Variants in FRRS1L observed in about 807,000 individuals in gnomAD.
FRRS1L encodes the protein DOMON domain-containing protein FRRS1L.
FRRS1L carries 22 observed loss-of-function variants against 28.6 expected under a neutral mutation model. The observed-to-expected ratio is 0.77, with a 90% CI of 0.55 to 1.10. The LOEUF is 1.10. Ranked by LOEUF, FRRS1L falls within the 50% of genes least tolerant of loss-of-function variation. The pLI is 0.00. For synonymous variants in FRRS1L, 158 were observed against 151.4 expected, an observed-to-expected ratio of 1.04 and a Z score of -0.32; for missense variants, 380 against 386.9, an observed-to-expected ratio of 0.98 and a Z score of 0.15.
rs188951244 is a variant in FRRS1L, at chr9:109,156,318, T to C, written c.239-6598A>G. ...TCATCACTCATTTTCACATGTGTTTTCCATTTCATTTATTTCCACCCAGAT... is the reference window on the plus strand; with the variant it reads ...TCATCACTCATTTTCACATGTGTTTCCCATTTCATTTATTTCCACCCAGAT... On this transcript the variant is annotated intron_variant, in intron 1 of 4. Transcript: ENST00000561981. Among the ~76,000 whole-genome samples the C allele has an allele frequency of 1.3e-3, 191 of 152,348 alleles. 2 individuals are homozygous for C. The highest frequency in any genetic ancestry group is 1.1e-3 in the Non-Finnish European group (78 of 68,034).
intron 2 of FRRS1L, among the ~76,000 whole-genome samples, chr9:109,148,852 C>T (rs186434343): frequency 8.6e-5 from 13 of 152,046 alleles, no homozygotes; most frequent in Admixed American, 7.9e-4. Context: ...TCAATAAGAA[C>T]ATTTTTGGCT....
Position 109,149,732 on chromosome 9 carries a change from G to A in FRRS1L, c.239-12C>T. On this transcript the variant is annotated splice_polypyrimidine_tract_variant and intron_variant, in intron 1 of 4. Transcript: ENST00000561981. Reference sequence around the variant, plus strand: ...AGGGAAGGGGTAACCTGGGCAGTGAGAATAAAGAAGGGTTAGAAAATCCAG... The same window carrying A: ...AGGGAAGGGGTAACCTGGGCAGTGAAAATAAAGAAGGGTTAGAAAATCCAG... The A allele has an allele frequency of 6.3e-7, 1 of 1,577,632 alleles. No homozygotes were observed. The highest frequency in any genetic ancestry group is 8.7e-7 in the Non-Finnish European group (1 of 1,148,576).
chr9:109,141,818 T>C (rs1233863417), intron 3 of FRRS1L, among the ~76,000 whole-genome samples: 1 of 151,898 alleles, frequency 6.6e-6, no homozygotes, highest in Non-Finnish European at 1.5e-5. Context: ...TATGTGGTAA[T>C]CCTGCCCAAA....
intron 1 of FRRS1L, chr9:109,151,720 C>A (rs769974802): frequency 4.4e-5 from 7 of 159,692 alleles, no homozygotes; most frequent in Non-Finnish European, 8.2e-5. Flanking sequence ...CCCCTTGACC[C>A]AGTCCATGGA....
At chr9:109,155,926 G>C (rs1051042592) in intron 1 of FRRS1L, among the ~76,000 whole-genome samples, 4 of 151,978 alleles carry the variant, frequency 2.6e-5, no homozygotes, top group African/African-American at 9.7e-5. Flanking sequence ...ATTTTAATTG[G>C]GTGAATTGCA....
intron 1 of FRRS1L, among the ~76,000 whole-genome samples, chr9:109,152,352 G>A (rs1398224129): frequency 6.6e-6 from 1 of 151,880 alleles, no homozygotes; most frequent in Non-Finnish European, 1.5e-5. Context: ...GTTTCACCAT[G>A]TTGGTCAGGC....
chr9:109,158,199 T>C (rs1588103400), intron 1 of FRRS1L, among the ~76,000 whole-genome samples: 2 of 152,356 alleles, frequency 1.3e-5, no homozygotes, highest in South Asian at 4.1e-4. Flanking sequence ...TTTTTCAGTT[T>C]TTCTAATTTT....
At chr9:109,160,137 T>G (rs1368609170) in intron 1 of FRRS1L, among the ~76,000 whole-genome samples, 5 of 152,218 alleles carry the variant, frequency 3.3e-5, no homozygotes, top group Admixed American at 6.5e-5. Context: ...TATTCCCTTC[T>G]TTCTGTCACT....
At chr9:109,156,601 G>C (rs1004727714) in intron 1 of FRRS1L, among the ~76,000 whole-genome samples, 8 of 151,682 alleles carry the variant, frequency 5.3e-5, no homozygotes, top group South Asian at 2.1e-4. Context: ...ATGTTAGCCA[G>C]GATGGTCTCA....
At chr9:109,144,086 T>C (rs1012369183) in intron 3 of FRRS1L, among the ~76,000 whole-genome samples, 2 of 152,056 alleles carry the variant, frequency 1.3e-5, no homozygotes, top group Non-Finnish European at 2.9e-5. Context: ...GGACAGGAAG[T>C]GGTCACTTTC....
At chr9:109,156,678 T>C (rs1369200666) in intron 1 of FRRS1L, among the ~76,000 whole-genome samples, 3 of 149,340 alleles carry the variant, frequency 2.0e-5, no homozygotes, top group African/African-American at 7.4e-5. Context: ...CATGAGCCAC[T>C]GCACCTGGAT....
At chr9:109,146,959 T>C (rs754336181) in intron 3 of FRRS1L, 92 bp downstream of exon 3, 75 of 1,181,022 alleles carry the variant, frequency 6.4e-5, no homozygotes, top group Admixed American at 1.7e-4. Flanking sequence ...TTGATCATTA[T>C]ACTGCTTTGA....
At chr9:109,147,290 A>C (rs1831275947) in intron 2 of FRRS1L, 101 bp from the exon 3 acceptor site, 1 of 1,001,792 alleles carries the variant, frequency 1.0e-6, no homozygotes, top group Admixed American at 2.1e-5. Context: ...CAATATTATT[A>C]AACACATTGG....
At chr9:109,146,669 G>A (rs1156321461) in intron 3 of FRRS1L, among the ~76,000 whole-genome samples, 1 of 152,138 alleles carries the variant, frequency 6.6e-6, no homozygotes, top group Non-Finnish European at 1.5e-5. Context: ...AAAACACAGA[G>A]AAAACCTGAA....
chr9:109,152,111 C>A (rs1269821203), intron 1 of FRRS1L: 2 of 152,116 alleles, frequency 1.3e-5, no homozygotes, highest in African/African-American at 4.8e-5. Context: ...AGCAGATTTC[C>A]AGCTCAATAA....
rs1350191431 is a variant in FRRS1L at position 109,134,098 on chromosome 9, G to A, written c.*3357C>T. On this transcript the variant is annotated 3_prime_UTR_variant, in exon 5 of 5. Transcript: ENST00000561981. ...GCTAACATAATTATTTATGGTTTGA[G>A]CATAGGAGGAAGAATATAAAAATGT... The A allele has an allele frequency of 1.3e-5, 2 of 152,162 alleles. No homozygotes were observed. Among genetic ancestry groups the A allele is most frequent in the East Asian group, 3.8e-4 (2 of 5,196 alleles). The allele number at this position is 152,162 out of a possible 1,614,324, so 9.4% of individuals were successfully genotyped here.
chr9:109,143,151 C>T (rs1026545415), intron 3 of FRRS1L, among the ~76,000 whole-genome samples: 16 of 151,842 alleles, frequency 1.1e-4, no homozygotes, highest in Non-Finnish European at 1.6e-4. Context: ...CTCGTCTCTA[C>T]TTAAAATACA....
intron 4 of FRRS1L, chr9:109,139,388 T>C (rs1564228429): frequency 6.6e-6 from 1 of 152,178 alleles, no homozygotes; most frequent in Admixed American, 6.5e-5. Flanking sequence ...TAGGCTAGTC[T>C]GCCATATATG....
intron 1 of FRRS1L, among the ~76,000 whole-genome samples, chr9:109,156,481 C>T (rs1349329947): frequency 6.6e-6 from 1 of 151,658 alleles, no homozygotes; most frequent in African/African-American, 2.4e-5. Context: ...CTCCACCTCC[C>T]GGGTTCAAGC....
Sources: allele counts gnomAD v4.1 joint callset (sites outside exome capture counted in the v4.1 genomes callset), GRCh38; gene constraint gnomAD v4.1.1; transcripts MANE v1.5; gene names NCBI Gene and HGNC (gene_info 2026-07-23, HGNC 2026-07-21).